The following KCMF1 variants were observed in gnomAD, a reference collection of about 807,000 sequenced individuals.
KCMF1 encodes E3 ubiquitin-protein ligase KCMF1.
KCMF1 carries 3 observed loss-of-function variants against 41.1 expected under a neutral mutation model. The observed-to-expected ratio is 0.07, with a 90% confidence interval of 0.03 to 0.19. KCMF1 has a LOEUF of 0.19. Among genes scored for constraint, KCMF1 ranks in the 10% least tolerant of loss-of-function variants. The pLI is 1.00. For synonymous variants in KCMF1, 142 were observed against 164.5 expected (o/e 0.86, Z 1.04); for missense variants, 286 against 488.9 (o/e 0.58, Z 3.91).
Position 85,053,413 on chromosome 2 carries a change from C to T in KCMF1, c.*4C>T. On this transcript the variant is annotated 3_prime_UTR_variant, in exon 7 of 7. Coordinates refer to ENST00000409785, the MANE Select transcript of KCMF1 (RefSeq NM_020122.5). ...GCCTCCACCACCTCCTCTTTGATGA[C>T]ATCCCAATTCGCAGACAATGTCCTC... The T allele has an allele frequency of 6.2e-7, 1 of 1,609,422 alleles. No homozygotes were observed. The highest frequency in any genetic ancestry group is 8.5e-7 in the Non-Finnish European group (1 of 1,177,520).
At chr2:84,974,180 C>T (rs950714431) in intron 1 of KCMF1, among the ~76,000 whole-genome samples, 1 of 152,014 alleles carries the variant, frequency 6.6e-6, no homozygotes, top group African/African-American at 2.4e-5. Flanking sequence ...CTGTCCACCT[C>T]CAAATTCTCT....
chr2:85,026,487 TTATTA>T (rs1443604899), intron 1 of KCMF1, among the ~76,000 whole-genome samples: 150 of 146,808 alleles, frequency 1.0e-3, no homozygotes, highest in African/African-American at 3.4e-3. Context: ...ATTATTATTA[TTATTA>T]TTATTTTTAT....
rs869089697 is a variant in KCMF1, at chr2:84,996,430, A to ATTTTTTTTTTTT, written c.16+24974_16+24985dup. The stretch of plus-strand genomic sequence containing the variant: ...ATACTTTATACCTAAATAACCTAAG[A>ATTTTTTTTTTTT]TTTTTTTTTTTTTTTTTTTTTTGAG... On this transcript the variant is annotated intron_variant, in intron 1 of 6. Transcript: ENST00000409785. Among the ~76,000 whole-genome samples the ATTTTTTTTTTTT allele has an allele frequency of 1.4e-3, 177 of 124,052 alleles. 2 individuals are homozygous for ATTTTTTTTTTTT. The highest frequency in any genetic ancestry group is 5.6e-3 in the African/African-American group (170 of 30,278). 81.4% of individuals were successfully genotyped at this position (124,052 alleles called of 152,430 possible).
At chr2:85,008,314 T>TATAATATA (rs1553379335) in intron 1 of KCMF1, among the ~76,000 whole-genome samples, 1 of 101,044 alleles carries the variant, frequency 9.9e-6, no homozygotes, top group Non-Finnish European at 1.9e-5. Context: ...TAATATGATA[T>TATAATATA]ATATATCATA....
rs376272311 is a variant in KCMF1 at position 84,976,373 on chromosome 2, A to G, written c.16+4906A>G. ...AGGCACCTGCCACTGCTACTGGCTA[A>G]TTTTTCTATTTTTAGTGGAGACAGG... On this transcript the variant is annotated intron_variant, in intron 1 of 6. Coordinates refer to ENST00000409785, the MANE Select transcript of KCMF1 (RefSeq NM_020122.5). Among the ~76,000 whole-genome samples the G allele has an allele frequency of 1.9e-3, 284 of 151,868 alleles. 1 individual carries two copies. The highest frequency in any genetic ancestry group is 3.2e-3 in the Non-Finnish European group (215 of 67,942).
In KCMF1 at chr2:85,027,995, A is replaced by C. The variant is rs377625924; in HGVS notation, c.123A>C (p.Ala41=). The change falls in exon 2 of 7, where the codon GCA becomes GCC. Residue 41 remains alanine, a synonymous_variant. Transcript: ENST00000409785. The part of the protein sequence containing the change: ...DLCASCYESG[A]TTTRHTTDHP... Reference sequence around the variant, plus strand: ...GTGCATCTTGTTATGAAAGTGGTGCAACAACAACAAGGCATACAACTGACC... The same window carrying C: ...GTGCATCTTGTTATGAAAGTGGTGCCACAACAACAAGGCATACAACTGACC... 155 of 1,611,244 alleles carry C rather than the reference A, an allele frequency of 9.6e-5. No homozygotes were observed. The highest frequency in any genetic ancestry group is 1.3e-4 in the Non-Finnish European group (151 of 1,177,688).
intron 2 of KCMF1, among the ~76,000 whole-genome samples, chr2:85,032,807 C>T (rs1449586066): frequency 3.9e-5 from 6 of 152,216 alleles, no homozygotes; most frequent in African/African-American, 7.2e-5. Flanking sequence ...TGAGCCACCT[C>T]GCCCGGCGCC....
At chr2:85,047,798 A>G (rs1675708506) in intron 5 of KCMF1, among the ~76,000 whole-genome samples, 1 of 152,174 alleles carries the variant, frequency 6.6e-6, no homozygotes, top group Non-Finnish European at 1.5e-5. Context: ...AACAATTCTG[A>G]AATGTGTCCA....
At chr2:85,017,370 A>G (rs1674801380) in intron 1 of KCMF1, among the ~76,000 whole-genome samples, 1 of 152,192 alleles carries the variant, frequency 6.6e-6, no homozygotes, top group Admixed American at 6.6e-5. Flanking sequence ...TCAACTGCTT[A>G]AATGCAGAGT....
chr2:84,977,478 G>C (rs1673579273), intron 1 of KCMF1, among the ~76,000 whole-genome samples: 1 of 152,050 alleles, frequency 6.6e-6, no homozygotes, highest in Admixed American at 6.6e-5. Flanking sequence ...CGCCCATGCT[G>C]CGCACCAGCA....
At chr2:85,032,443 C>T (rs564025669) in intron 2 of KCMF1, among the ~76,000 whole-genome samples, 3 of 152,080 alleles carry the variant, frequency 2.0e-5, no homozygotes, top group Admixed American at 2.0e-4. Flanking sequence ...ATGGTGCGAT[C>T]TCGGCTCACT....
At chr2:84,993,925 T>A (rs1477681850) in intron 1 of KCMF1, among the ~76,000 whole-genome samples, 1 of 124,162 alleles carries the variant, frequency 8.1e-6, no homozygotes, top group African/African-American at 2.8e-5. Flanking sequence ...TTGTTTTGTT[T>A]TGTTTTGTTT....
intron 1 of KCMF1, among the ~76,000 whole-genome samples, chr2:85,024,602 G>A (rs1432154152): frequency 6.6e-6 from 1 of 151,952 alleles, no homozygotes; most frequent in Non-Finnish European, 1.5e-5. Flanking sequence ...GTGTGTGTGT[G>A]TGTGCGCGTG....
intron 1 of KCMF1, among the ~76,000 whole-genome samples, chr2:85,017,995 TG>T (rs1674825054): frequency 6.6e-6 from 1 of 152,196 alleles, no homozygotes; most frequent in Non-Finnish European, 1.5e-5. Context: ...ACAAGATATA[TG>T]CTGATAATAT....
At chr2:85,033,383 A>G (rs1675329097) in intron 2 of KCMF1, among the ~76,000 whole-genome samples, 1 of 152,172 alleles carries the variant, frequency 6.6e-6, no homozygotes, top group African/African-American at 2.4e-5. Flanking sequence ...TTATCTTAGT[A>G]TAAGAAAATC....
Position 85,046,272 on chromosome 2 carries a change from A to T in KCMF1, c.595A>T (p.Ile199Leu). ...AAGCAATAGGGAAGCCATGGATCCT[A>T]TAGCTGGTAAGTTAGTTTCACATTA... Reference protein sequence around the residue: ...SPSNREAMDPIAELLSQLSGV... With the variant: ...SPSNREAMDPLAELLSQLSGV... Residue 199 changes from isoleucine (I) to leucine (L), a missense_variant, in exon 5 of 7, where the codon ATA becomes TTA. Transcript: ENST00000409785. The T allele has an allele frequency of 1.2e-6, 2 of 1,610,876 alleles. No homozygotes were observed. Among genetic ancestry groups the T allele is most frequent in the Non-Finnish European group, 1.7e-6 (2 of 1,178,372 alleles).
Position 84,981,005 on chromosome 2 carries a change from G to A in KCMF1, c.16+9538G>A, listed in dbSNP as rs1187290674. 2.0e-5 allele frequency among the ~76,000 whole-genome samples: 3 copies of A among 151,838 alleles called. No homozygotes were observed. In the East Asian group the frequency reaches 5.8e-4, roughly 29 times the overall value. On this transcript the variant is annotated intron_variant, in intron 1 of 6. Transcript: ENST00000409785. ...TCCATCAAACTTTGCCAGTGGCCAC[G>A]GGGGTACTGGCAAAGAAGTATAGAT...
intron 1 of KCMF1, among the ~76,000 whole-genome samples, chr2:84,977,936 TTTCAAA>T (rs1673591542): frequency 6.6e-6 from 1 of 152,208 alleles, no homozygotes; most frequent in South Asian, 2.1e-4. Flanking sequence ...CATGTTCTTG[TTTCAAA>T]TTGGGAACTC....
At chr2:84,996,004 C>A (rs1372014453) in intron 1 of KCMF1, among the ~76,000 whole-genome samples, 1 of 152,158 alleles carries the variant, frequency 6.6e-6, no homozygotes, top group African/African-American at 2.4e-5. Context: ...GTTCAGATAC[C>A]ACAAGCAGTA....
Sources: gnomAD v4.1 joint callset for allele counts (sites outside exome capture counted in the v4.1 genomes callset) on GRCh38, gnomAD v4.1.1 for gene constraint, MANE v1.5 for transcripts, NCBI Gene and HGNC (gene_info 2026-07-23, HGNC 2026-07-21) for gene names.